MGST1: variants seen among roughly 807,000 people sequenced by gnomAD.
The protein encoded by MGST1 is microsomal glutathione S-transferase 1, also known as glutathione S-transferase 12.
Under a neutral mutation model 8.9 loss-of-function variants are expected in MGST1, and 5 were observed. That is an observed-to-expected ratio of 0.56 (90% CI 0.29 to 1.19). The LOEUF is 1.19. Ranked by LOEUF, MGST1 falls within the 50% of genes most tolerant of loss-of-function variation. The probability of loss-of-function intolerance (pLI) is 0.08; values close to 1 mark genes in which losing one functional copy is unlikely to be tolerated. For missense variants in MGST1, 182 were observed against 187.4 expected (o/e 0.97, Z 0.17); for synonymous variants, 54 against 67.8 (o/e 0.80, Z 1.00).
At chr12:16,427,803 A>G (rs1182737039) in intron 1 of MGST1, among the ~76,000 whole-genome samples, 1 of 152,194 alleles carries the variant, frequency 6.6e-6, no homozygotes, top group Non-Finnish European at 1.5e-5. Context: ...ACATTTTAAA[A>G]AACTTATTTT....
chr12:16,424,178 T>C (rs1473319014), intron 1 of MGST1, among the ~76,000 whole-genome samples: 1 of 152,210 alleles, frequency 6.6e-6, no homozygotes, highest in Non-Finnish European at 1.5e-5. Flanking sequence ...TTAAATTTAA[T>C]CAATCATCAA....
chr12:16,437,780 G>A (rs1042827926), exon 2 of MGST1: 7 of 151,516 alleles, frequency 4.6e-5, no homozygotes, highest in Admixed American at 3.9e-4. Flanking sequence ...GACAGAAAGT[G>A]AAACAGAATA....
chr12:16,593,267 A>G (rs1943548629), downstream of MGST1, among the ~76,000 whole-genome samples: 1 of 151,800 alleles, frequency 6.6e-6, no homozygotes. The surrounding 1 kb of genome is among the most constrained non-coding windows in gnomAD (Gnocchi z 4.2). Flanking sequence ...TCAATTCCTA[A>G]GAGTCTTTTA....
rs1406103727 is a variant in MGST1, at chr12:16,584,105, T to C, written n.483-5423T>C. Among the ~76,000 whole-genome samples the C allele has an allele frequency of 6.6e-6, 1 of 152,206 alleles. No homozygotes were observed. The highest frequency in any genetic ancestry group is 1.5e-5 in the Non-Finnish European group (1 of 68,040). On this transcript the variant is annotated intron_variant and non_coding_transcript_variant, in intron 4 of 4. Coordinates refer to the MGST1 transcript ENST00000538857. This position sits in a 1 kb window ranked among gnomAD's most constrained non-coding sequence, Gnocchi z 5.2. ...AGGGCTTGGTTTCAAGTGAGTCATC[T>C]CTAAGCCTTTTAGAATCCCTAGAAT... is the stretch of plus-strand genomic sequence containing the variant.
rs921668303 is a variant in MGST1, at chr12:16,582,170, C to T, written n.483-7358C>T. On this transcript the variant is annotated intron_variant and non_coding_transcript_variant, in intron 4 of 4. Transcript: ENST00000538857. The surrounding 1 kb of genome is among the most constrained non-coding windows in gnomAD (Gnocchi z 4.1). ...ATATTTAACTGGTTTCTTCCTGTTTCTCTTTATTTGGAAGTTTTGAAATGG... is the reference window on the plus strand; with the variant it reads ...ATATTTAACTGGTTTCTTCCTGTTTTTCTTTATTTGGAAGTTTTGAAATGG... 1.3e-5 allele frequency among the ~76,000 whole-genome samples: 2 copies of T among 152,064 alleles called. No homozygotes were observed. Among genetic ancestry groups the T allele is most frequent in the African/African-American group, 4.8e-5 (2 of 41,390 alleles).
At chr12:16,443,013 T>A (rs1169661794), downstream of MGST1, among the ~76,000 whole-genome samples, 1 of 151,776 alleles carries the variant, frequency 6.6e-6, no homozygotes, top group Non-Finnish European at 1.5e-5. Context: ...TTAGTTTTGT[T>A]AACTCTTGCT....
At chr12:16,396,438 C>T (rs10846355) in intron 1 of MGST1, among the ~76,000 whole-genome samples, 25,519 of 151,970 alleles carry the variant, frequency 0.17, 2,489 homozygotes, top group East Asian at 0.43. Flanking sequence ...TTAGTCAGAA[C>T]AATGAGACAA....
At chr12:16,538,941 A>T (rs760699822) in intron 4 of MGST1, among the ~76,000 whole-genome samples, 2 of 152,132 alleles carry the variant, frequency 1.3e-5, no homozygotes, top group Non-Finnish European at 2.9e-5. Flanking sequence ...TGGCAAGAGA[A>T]AACGAGGATG....
intron 4 of MGST1, among the ~76,000 whole-genome samples, chr12:16,471,454 C>T (rs1254479379): frequency 6.6e-6 from 1 of 152,140 alleles, no homozygotes; most frequent in African/African-American, 2.4e-5. Context: ...AATTATTTTA[C>T]TGAATTATGC....
downstream of MGST1, among the ~76,000 whole-genome samples, chr12:16,365,673 C>T (rs1033239161): frequency 7.2e-5 from 11 of 152,166 alleles, no homozygotes; most frequent in African/African-American, 1.7e-4. Flanking sequence ...GAAAAGACCA[C>T]GAGCTCAGGA....
rs962752969 is a variant in MGST1 at position 16,399,320 on chromosome 12, A to G, written n.778+15716A>G. On this transcript the variant is annotated intron_variant and non_coding_transcript_variant, in intron 1 of 1. Coordinates refer to the MGST1 transcript ENST00000359720. ...GGGGTGCAGAGCTGTGTGTGGAACC[A>G]TGGTTGGAACCACGGTTAGAGCCAT... The G allele has an allele frequency of 2.0e-5, 32 of 1,602,474 alleles. No individual in the cohort carries two copies. In the African/African-American group the frequency reaches 3.6e-4, roughly 18 times the overall value.
chr12:16,428,797 G>T (rs1041161901), intron 1 of MGST1, among the ~76,000 whole-genome samples: 6 of 151,844 alleles, frequency 4.0e-5, no homozygotes, highest in Non-Finnish European at 7.4e-5. Context: ...TTTTACTTAA[G>T]ATTTCTATTT....
intron 3 of MGST1, among the ~76,000 whole-genome samples, chr12:16,373,406 TTGGAGTG>T (rs1311346986): frequency 6.6e-6 from 1 of 152,012 alleles, no homozygotes; most frequent in Non-Finnish European, 1.5e-5. Context: ...AAGAATGCAA[TTGGAGTG>T]TTCCTAACAC....
intron 4 of MGST1, among the ~76,000 whole-genome samples, chr12:16,545,238 A>C (rs964568987): frequency 6.6e-6 from 1 of 152,076 alleles, no homozygotes; most frequent in Non-Finnish European, 1.5e-5. Flanking sequence ...TTAGCTGCTT[A>C]AATGGTGTTC....
chr12:16,570,633 G>C (rs1224220813), intron 4 of MGST1, among the ~76,000 whole-genome samples: 2 of 152,096 alleles, frequency 1.3e-5, no homozygotes, highest in Admixed American at 1.3e-4. Context: ...TACTCACTCA[G>C]GCACTAACAC....
intron 1 of MGST1, among the ~76,000 whole-genome samples, chr12:16,432,157 C>G (rs1363641471): frequency 6.6e-6 from 1 of 152,050 alleles, no homozygotes; most frequent in Non-Finnish European, 1.5e-5. Context: ...TGTATCAGAT[C>G]CCTGGCCGAT....
intron 4 of MGST1, among the ~76,000 whole-genome samples, chr12:16,518,390 A>G (rs970008049): frequency 6.6e-6 from 1 of 152,162 alleles, no homozygotes; most frequent in Admixed American, 6.5e-5. Flanking sequence ...TTCTGTGACA[A>G]TCCTATCTAA....
chr12:16,356,463 G>T (rs920723386), intron 2 of MGST1, among the ~76,000 whole-genome samples: 2 of 151,968 alleles, frequency 1.3e-5, no homozygotes, highest in African/African-American at 4.8e-5. Flanking sequence ...AAACTGATGG[G>T]CAGTATCCCA....
At chr12:16,460,296 G>A (rs569771827) in intron 4 of MGST1, among the ~76,000 whole-genome samples, 1 of 152,178 alleles carries the variant, frequency 6.6e-6, no homozygotes, top group South Asian at 2.1e-4. Flanking sequence ...GGAGAGCATG[G>A]CATATACATT....
Sources: gnomAD v4.1 joint callset for allele counts (sites outside exome capture counted in the v4.1 genomes callset) on GRCh38, gnomAD v4.1.1 for gene constraint, Gnocchi (gnomAD v3.1) non-coding constraint, MANE v1.5 for transcripts, NCBI Gene and HGNC (gene_info 2026-07-23, HGNC 2026-07-21) for gene names.